The following SV2C variants were observed in gnomAD, a reference collection of about 807,000 sequenced individuals.
The protein encoded by SV2C is synaptic vesicle glycoprotein 2C.
A neutral mutation model predicts 79.7 loss-of-function variants in SV2C; 49 were observed. That is an observed-to-expected ratio of 0.61 (90% CI 0.49 to 0.78). SV2C has a LOEUF of 0.78. SV2C is among the 30% of genes least tolerant of loss of function. The pLI is 0.00. For missense variants in SV2C, 833 were observed against 912.9 expected, an observed-to-expected ratio of 0.91 and a Z score of 1.13; for synonymous variants, 334 against 333.2, an observed-to-expected ratio of 1.00 and a Z score of -0.03.
At chr5:76,007,811 A>G in the SV2C span, among the ~76,000 whole-genome samples, 116 of 152,286 alleles carry the variant, frequency 7.6e-4, no homozygotes, top group Non-Finnish European at 1.3e-3. Flanking sequence ...GAAGTCTTCC[A>G]TCTCATGTGA....
chr5:76,348,541 T>G (rs1329534349), intron 12 of SV2C, among the ~76,000 whole-genome samples: 2 of 152,250 alleles, frequency 1.3e-5, no homozygotes, highest in Non-Finnish European at 2.9e-5. Context: ...CATTTTGCAT[T>G]CTCACCAGCA....
chr5:76,023,700 G>A, the SV2C span, among the ~76,000 whole-genome samples: 2 of 97,002 alleles, frequency 2.1e-5, no homozygotes, highest in Non-Finnish European at 4.1e-5. Flanking sequence ...ATATATATAT[G>A]TATGTATGTT....
At chr5:75,876,957 C>T in the SV2C span, among the ~76,000 whole-genome samples, 6 of 152,052 alleles carry the variant, frequency 3.9e-5, no homozygotes, top group South Asian at 1.2e-3. Context: ...TCAATAACAA[C>T]ATTAAATGTG....
At chr5:75,864,502 G>C in the SV2C span, among the ~76,000 whole-genome samples, 1 of 152,162 alleles carries the variant, frequency 6.6e-6, no homozygotes, top group Non-Finnish European at 1.5e-5. Flanking sequence ...TGTTACATCT[G>C]TTATACTCCT....
chr5:75,901,092 G>A, the SV2C span, among the ~76,000 whole-genome samples: 2 of 152,224 alleles, frequency 1.3e-5, no homozygotes, highest in South Asian at 2.1e-4. Context: ...GCTTGTCAAA[G>A]TCATTCTCCG....
intron 4 of SV2C, among the ~76,000 whole-genome samples, chr5:76,274,516 A>G (rs558281473): frequency 1.4e-4 from 21 of 152,260 alleles, no homozygotes; most frequent in African/African-American, 5.1e-4. Context: ...TCACTGAGCA[A>G]TGTCACTTGG....
At chr5:75,910,726 T>C in the SV2C span, 9 of 1,368,954 alleles carry the variant, frequency 6.6e-6, no homozygotes, top group East Asian at 2.1e-4. Context: ...AGACTATGTT[T>C]GAAGATCTGA....
chr5:76,312,742 TCCCCCTTATG>T (rs962466250), intron 12 of SV2C, among the ~76,000 whole-genome samples: 5 of 152,032 alleles, frequency 3.3e-5, no homozygotes, highest in African/African-American at 1.2e-4. Context: ...CCCTTTTCTT[TCCCCCTTATG>T]CCCCCTTATG....
chr5:76,280,723 C>T (rs925832492), intron 4 of SV2C, among the ~76,000 whole-genome samples: 16 of 152,204 alleles, frequency 1.1e-4, no homozygotes, highest in African/African-American at 3.9e-4. Context: ...CAGGGGCCTC[C>T]AGGTGCGGGA....
At chr5:76,090,759 C>T (rs1747350299) in intron 1 of SV2C, among the ~76,000 whole-genome samples, 1 of 152,188 alleles carries the variant, frequency 6.6e-6, no homozygotes, top group East Asian at 1.9e-4. Flanking sequence ...TAGGTTTTAA[C>T]ATCTGCAAAT....
At chr5:76,113,599 G>A (rs1197688802) in intron 1 of SV2C, among the ~76,000 whole-genome samples, 1 of 152,182 alleles carries the variant, frequency 6.6e-6, no homozygotes, top group East Asian at 1.9e-4. Flanking sequence ...GGAATATTCA[G>A]TAGTCCACTT....
intron 12 of SV2C, among the ~76,000 whole-genome samples, chr5:76,310,341 A>G (rs755645282): frequency 2.5e-4 from 38 of 152,220 alleles, no homozygotes; most frequent in Non-Finnish European, 4.9e-4. Flanking sequence ...TAAAGCTGAC[A>G]TTTGAGCAAA....
At chr5:76,040,820 C>T in the SV2C span, among the ~76,000 whole-genome samples, 1 of 152,196 alleles carries the variant, frequency 6.6e-6, no homozygotes, top group Non-Finnish European at 1.5e-5. Context: ...ATTTTGAATG[C>T]TACTCTTCTT....
the SV2C span, among the ~76,000 whole-genome samples, chr5:75,944,896 A>T: frequency 6.6e-6 from 1 of 152,152 alleles, no homozygotes; most frequent in African/African-American, 2.4e-5. Context: ...AACCCCCAAA[A>T]AAGATGGACT....
At chr5:75,935,783 G>A in the SV2C span, among the ~76,000 whole-genome samples, 2 of 152,180 alleles carry the variant, frequency 1.3e-5, no homozygotes, top group Non-Finnish European at 2.9e-5. Flanking sequence ...CCTCTGGAGA[G>A]GGGATAGGAT....
chr5:76,259,548 GT>G (rs1417445317), intron 4 of SV2C, among the ~76,000 whole-genome samples: 1 of 152,050 alleles, frequency 6.6e-6, no homozygotes, highest in African/African-American at 2.4e-5. Context: ...TGTCATCTAG[GT>G]TTTAAGCCCT....
At chr5:76,103,125 A>G (rs1027151114) in intron 1 of SV2C, among the ~76,000 whole-genome samples, 8 of 152,172 alleles carry the variant, frequency 5.3e-5, no homozygotes, top group African/African-American at 1.9e-4. Flanking sequence ...CATAATTAAA[A>G]CTGCTGAAAT....
At chr5:76,317,526 C>T (rs1309500722) in intron 12 of SV2C, among the ~76,000 whole-genome samples, 2 of 152,064 alleles carry the variant, frequency 1.3e-5, no homozygotes, top group East Asian at 3.9e-4. Context: ...CCATTTCAGG[C>T]CTTTTTAAAA....
At chr5:75,961,777 T>C in the SV2C span, among the ~76,000 whole-genome samples, 1 of 152,154 alleles carries the variant, frequency 6.6e-6, no homozygotes, top group East Asian at 1.9e-4. Context: ...GAAATAAATA[T>C]AAATTATTTA....
Sources: gnomAD v4.1 joint callset for allele counts (sites outside exome capture counted in the v4.1 genomes callset) on GRCh38, gnomAD v4.1.1 for gene constraint, MANE v1.5 for transcripts, NCBI Gene and HGNC (gene_info 2026-07-23, HGNC 2026-07-21) for gene names.